The following SOHLH2 variants were observed in gnomAD, a reference collection of about 807,000 sequenced individuals.
The protein encoded by SOHLH2 is spermatogenesis and oogenesis specific basic helix-loop-helix 2, also known as spermatogenesis- and oogenesis-specific basic helix-loop-helix-containing protein 2.
A neutral mutation model predicts 50.4 loss-of-function variants in SOHLH2; 22 were observed. The observed-to-expected ratio is 0.44, with a 90% CI of 0.31 to 0.62. The LOEUF (loss-of-function observed/expected upper bound fraction) is 0.62. Among genes scored for constraint, SOHLH2 ranks in the 20% least tolerant of loss-of-function variants. The pLI, the probability that SOHLH2 is intolerant of heterozygous loss-of-function variation, is 0.08. For missense variants in SOHLH2, 412 were observed against 504.4 expected (o/e 0.82, Z 1.76); for synonymous variants, 185 against 187.3 (o/e 0.99, Z 0.10).
At chr13:36,195,417 A>G (rs1254381345) in intron 2 of SOHLH2, among the ~76,000 whole-genome samples, 1 of 152,190 alleles carries the variant, frequency 6.6e-6, no homozygotes. Context: ...GGCACAGGGC[A>G]TCTGAGGAAG....
intron 1 of SOHLH2, among the ~76,000 whole-genome samples, chr13:36,212,382 A>G (rs2138337893): frequency 1.3e-5 from 2 of 152,348 alleles, no homozygotes; most frequent in Admixed American, 1.3e-4. Flanking sequence ...GCTCAAGTCC[A>G]CTATCCCAGT....
At chr13:36,202,630 G>C (rs1245177180) in intron 1 of SOHLH2, among the ~76,000 whole-genome samples, 1 of 152,180 alleles carries the variant, frequency 6.6e-6, no homozygotes, top group Admixed American at 6.5e-5. Flanking sequence ...TTTGCATTTG[G>C]AGATATTTTC....
chr13:36,180,196 C>G (rs977240095), intron 6 of SOHLH2, among the ~76,000 whole-genome samples: 7 of 152,122 alleles, frequency 4.6e-5, no homozygotes, highest in Admixed American at 3.9e-4. Context: ...AAAGTATACT[C>G]TTTTGTATTT....
intron 1 of SOHLH2, among the ~76,000 whole-genome samples, chr13:36,206,401 A>G (rs534290128): frequency 2.0e-5 from 3 of 152,154 alleles, no homozygotes; most frequent in South Asian, 4.1e-4. Context: ...ATTTCAGTTG[A>G]TAGTTCCATT....
chr13:36,184,460 C>CTTTTTTTTTTTT lies in SOHLH2; in HGVS notation c.641+5474_641+5485dup, dbSNP rs1229884029. On this transcript the variant is annotated intron_variant, in intron 6 of 10. Coordinates refer to ENST00000379881, the MANE Select transcript of SOHLH2 (RefSeq NM_017826.3). ...GATGGAAGTTTCTACCTACAAAGAC[C>CTTTTTTTTTTTT]TTTTTTTTTTTTTTTTTTTGAGACG... Among the ~76,000 whole-genome samples, 200 of 121,094 alleles carry CTTTTTTTTTTTT rather than the reference C, an allele frequency of 1.7e-3. 14 individuals carry two copies. The highest frequency in any genetic ancestry group is 5.3e-3 in the African/African-American group (170 of 32,294). The allele number at this position is 121,094 out of a possible 152,430, so 79.4% of individuals were successfully genotyped here.
In SOHLH2 at chr13:36,191,720, C is replaced by T. The variant is rs559790328; in HGVS notation, c.530+75G>A. The stretch of plus-strand genomic sequence containing the variant: ...TCTTAAGTACAGCAAATGCTGCACC[C>T]CTCTTCCACAAAATAGCCACAATCA... On this transcript the variant is annotated intron_variant, in intron 5 of 10. Coordinates refer to ENST00000379881, the MANE Select transcript of SOHLH2 (RefSeq NM_017826.3). 13 of 1,570,020 alleles carry T rather than the reference C, an allele frequency of 8.3e-6. No homozygotes were observed. The East Asian group carries it at 2.9e-4, about 35-fold the overall frequency.
rs1177910348 is a variant in SOHLH2 at position 36,202,075 on chromosome 13, A to G, written c.67T>C (p.Leu23=). 5.0e-6 allele frequency: 8 copies of G among 1,614,124 alleles called. No individual in the cohort carries two copies. The highest frequency in any genetic ancestry group is 2.2e-5 in the East Asian group (1 of 44,886). ...ISGQAKIDIL[L]VGDVTVGYLA... ...TAGCCCACAGTGACATCTCCAACTA[A>G]TAAGATGTCTATTTTTGCCTGAAAG... is the stretch of plus-strand genomic sequence containing the variant. Residue 23 remains leucine, a synonymous_variant, in exon 2 of 11, where the codon TTA becomes CTA. Transcript: ENST00000379881.
chr13:36,172,223 G>A (rs1010077809), intron 9 of SOHLH2, among the ~76,000 whole-genome samples: 4 of 152,166 alleles, frequency 2.6e-5, no homozygotes, highest in Admixed American at 6.5e-5. Flanking sequence ...ATGTTTCAGA[G>A]TTTCTGCAGG....
intron 1 of SOHLH2, 67 bp downstream of exon 1, chr13:36,214,412 G>A (rs890363340): frequency 3.2e-6 from 5 of 1,562,372 alleles, no homozygotes; most frequent in East Asian, 4.6e-5. Flanking sequence ...GGGCCGAGGG[G>A]ACCACCGACC....
intron 5 of SOHLH2, 97 bp from the exon 6 acceptor site, chr13:36,190,153 C>T: frequency 2.7e-6 from 3 of 1,096,694 alleles, no homozygotes; most frequent in Non-Finnish European, 3.7e-6. Flanking sequence ...GGATGCTTCT[C>T]TAAGTCTCTT....
chr13:36,169,183 T>G, intron 10 of SOHLH2, 129 bp from the exon 11 acceptor site: 1 of 1,335,328 alleles, frequency 7.5e-7, no homozygotes, highest in Non-Finnish European at 9.8e-7. Context: ...AATCCTCAGG[T>G]GAATAAGCTT....
chr13:36,181,139 TG>T (rs1283795256), intron 6 of SOHLH2, among the ~76,000 whole-genome samples: 1 of 152,234 alleles, frequency 6.6e-6, no homozygotes, highest in Non-Finnish European at 1.5e-5. Context: ...CAGGTAATAC[TG>T]TTTGTCTTCA....
intron 10 of SOHLH2, among the ~76,000 whole-genome samples, chr13:36,169,294 A>G (rs1009321293): frequency 3.9e-5 from 6 of 152,240 alleles, no homozygotes; most frequent in Admixed American, 3.9e-4. Flanking sequence ...TTAAAAAATG[A>G]TAATATTGTA....
At chr13:36,170,509 C>A (rs1262511819) in intron 10 of SOHLH2, 22 bp downstream of exon 10, 1 of 1,609,282 alleles carries the variant, frequency 6.2e-7, no homozygotes, top group South Asian at 1.1e-5. Context: ...CCAATCTGAT[C>A]CATGGACCCC....
chr13:36,199,340 C>T (rs868326753), intron 2 of SOHLH2, among the ~76,000 whole-genome samples: 8 of 152,040 alleles, frequency 5.3e-5, no homozygotes, highest in South Asian at 2.1e-4. Flanking sequence ...CATAACCAAA[C>T]GACTCTGTCC....
intron 2 of SOHLH2, among the ~76,000 whole-genome samples, chr13:36,196,653 GC>G (rs1308205848): frequency 1.3e-5 from 2 of 152,110 alleles, no homozygotes; most frequent in Non-Finnish European, 2.9e-5. Flanking sequence ...CAGGTTGTTT[GC>G]TTTTAGAAAT....
intron 1 of SOHLH2, among the ~76,000 whole-genome samples, chr13:36,207,862 T>G (rs1868871609): frequency 2.0e-5 from 3 of 152,198 alleles, no homozygotes; most frequent in Admixed American, 1.3e-4. Flanking sequence ...TAGAATACCA[T>G]GGACATGAGC....
chr13:36,170,826 C>T (rs1682523719), intron 9 of SOHLH2, 39 bp from the exon 10 acceptor site: 1 of 1,592,878 alleles, frequency 6.3e-7, no homozygotes, highest in Admixed American at 1.7e-5. Flanking sequence ...TCAGTATCCA[C>T]AATTCTGTAA....
chr13:36,205,516 T>C (rs1205460880), intron 1 of SOHLH2, among the ~76,000 whole-genome samples: 1 of 152,126 alleles, frequency 6.6e-6, no homozygotes, highest in Non-Finnish European at 1.5e-5. Flanking sequence ...TGATTTTTTT[T>C]TAATTCTTTG....
Sources: allele counts gnomAD v4.1 joint callset (sites outside exome capture counted in the v4.1 genomes callset), GRCh38; gene constraint gnomAD v4.1.1; transcripts MANE v1.5; gene names NCBI Gene and HGNC (gene_info 2026-07-23, HGNC 2026-07-21).